The following VGLL4 variants were observed in gnomAD, a reference collection of about 807,000 sequenced individuals.
VGLL4 encodes vestigial like family member 4.
A neutral mutation model predicts 21.0 loss-of-function variants in VGLL4; 7 were observed. The observed-to-expected ratio is 0.33, with a 90% confidence interval of 0.19 to 0.63. The LOEUF (loss-of-function observed/expected upper bound fraction) is 0.63. Among genes scored for constraint, VGLL4 ranks in the 20% least tolerant of loss-of-function variants. The pLI is 0.78. For missense variants in VGLL4, 394 were observed against 425.7 expected, an observed-to-expected ratio of 0.93 and a Z score of 0.66; for synonymous variants, 222 against 173.2, an observed-to-expected ratio of 1.28 and a Z score of -2.21.
At chr3:11,596,602 T>C (rs1262255575) in intron 2 of VGLL4, among the ~76,000 whole-genome samples, 1 of 152,162 alleles carries the variant, frequency 6.6e-6, no homozygotes, top group Admixed American at 6.6e-5. Flanking sequence ...CCTAGCTCTT[T>C]CCATGGAAAG....
intron 2 of VGLL4, among the ~76,000 whole-genome samples, chr3:11,672,358 G>A (rs183938945): frequency 1.1e-4 from 15 of 131,244 alleles, no homozygotes; most frequent in Admixed American, 5.8e-4. Flanking sequence ...CAAGAAGAAC[G>A]CATATGCTTC....
intron 1 of VGLL4, among the ~76,000 whole-genome samples, chr3:11,620,793 G>A (rs2075252400): frequency 1.3e-5 from 2 of 152,060 alleles, no homozygotes; most frequent in African/African-American, 2.4e-5. Flanking sequence ...GGACCCGACC[G>A]TCCCACCCTG....
intron 2 of VGLL4, among the ~76,000 whole-genome samples, chr3:11,656,859 G>A (rs1016407881): frequency 3.3e-5 from 5 of 152,136 alleles, no homozygotes; most frequent in African/African-American, 9.7e-5. Context: ...AACGAAGCAC[G>A]GCCCTGGTCA....
intron 1 of VGLL4, among the ~76,000 whole-genome samples, chr3:11,628,584 G>T (rs1183719048): frequency 6.6e-6 from 1 of 152,060 alleles, no homozygotes; most frequent in East Asian, 1.9e-4. Flanking sequence ...ACTTTGGGAG[G>T]CCAAGGCGGG....
chr3:11,635,472 G>A (rs1454831155), intron 1 of VGLL4, among the ~76,000 whole-genome samples: 1 of 152,176 alleles, frequency 6.6e-6, no homozygotes, highest in African/African-American at 2.4e-5. Context: ...GCAACATGTG[G>A]TTCTTTTATT....
At chr3:11,561,111 T>C (rs1233432058) in intron 3 of VGLL4, among the ~76,000 whole-genome samples, 1 of 148,092 alleles carries the variant, frequency 6.8e-6, no homozygotes, top group African/African-American at 2.6e-5. Flanking sequence ...ACCCATGACC[T>C]TGGGCTCTAG....
intron 2 of VGLL4, among the ~76,000 whole-genome samples, chr3:11,588,455 G>A (rs1341960036): frequency 6.6e-6 from 1 of 152,236 alleles, no homozygotes; most frequent in Non-Finnish European, 1.5e-5. Context: ...GGGTCCTACA[G>A]GCAGACGCCC....
At chr3:11,601,437 A>G (rs1169251129) in intron 2 of VGLL4, among the ~76,000 whole-genome samples, 1 of 152,198 alleles carries the variant, frequency 6.6e-6, no homozygotes, top group African/African-American at 2.4e-5. Flanking sequence ...AAAGGTGCTG[A>G]GCTTCCCTTC....
At chr3:11,621,323 T>TC (rs1216108492) in intron 1 of VGLL4, among the ~76,000 whole-genome samples, 1 of 152,134 alleles carries the variant, frequency 6.6e-6, no homozygotes, top group Non-Finnish European at 1.5e-5. Flanking sequence ...TAGCAGTCAC[T>TC]CCCCATATTC....
At chr3:11,605,051 C>T (rs1366852791) in intron 1 of VGLL4, among the ~76,000 whole-genome samples, 1 of 101,810 alleles carries the variant, frequency 9.8e-6, no homozygotes, top group Non-Finnish European at 2.0e-5. Context: ...CACGCCCCCG[C>T]CCACCCCCAA....
intron 1 of VGLL4, among the ~76,000 whole-genome samples, chr3:11,607,646 G>A (rs1216926499): frequency 6.6e-6 from 1 of 152,132 alleles, no homozygotes; most frequent in Admixed American, 6.5e-5. Flanking sequence ...ATATTTATAA[G>A]CAGTATAAGG....
At chr3:11,644,219 G>A (rs754172960), upstream of VGLL4, among the ~76,000 whole-genome samples, 5 of 152,152 alleles carry the variant, frequency 3.3e-5, no homozygotes, top group Admixed American at 6.5e-5. Context: ...AAACTCCCAT[G>A]GAATGCAACT....
At chr3:11,591,352 T>TAA (rs956698493) in intron 2 of VGLL4, among the ~76,000 whole-genome samples, 9 of 152,260 alleles carry the variant, frequency 5.9e-5, no homozygotes, top group African/African-American at 2.2e-4. Context: ...CCACAGAGGC[T>TAA]AAAGCCTAAG....
At chr3:11,703,680 T>C (rs888496090) in intron 1 of VGLL4, among the ~76,000 whole-genome samples, 1 of 152,290 alleles carries the variant, frequency 6.6e-6, no homozygotes, top group East Asian at 1.9e-4. Context: ...CAGCAAAAGA[T>C]TTAAAGCTCG....
chr3:11,696,408 G>C (rs1243070877), intron 2 of VGLL4, among the ~76,000 whole-genome samples: 1 of 152,186 alleles, frequency 6.6e-6, no homozygotes, highest in Non-Finnish European at 1.5e-5. Context: ...CTGCCCCTTT[G>C]CTGTACCATG....
chr3:11,715,892 A>G (rs573061690), intron 1 of VGLL4, among the ~76,000 whole-genome samples: 5 of 152,290 alleles, frequency 3.3e-5, no homozygotes, highest in African/African-American at 1.2e-4. Context: ...AATGAAGCTC[A>G]TCTAACATGT....
upstream of VGLL4, among the ~76,000 whole-genome samples, chr3:11,645,862 C>T (rs1284467206): frequency 6.6e-6 from 1 of 151,996 alleles, no homozygotes; most frequent in Non-Finnish European, 1.5e-5. Context: ...ATCCCAGCTA[C>T]TAGGGAGGCT....
chr3:11,651,100 C>T (rs1209381478), intron 2 of VGLL4, among the ~76,000 whole-genome samples: 1 of 152,116 alleles, frequency 6.6e-6, no homozygotes, highest in East Asian at 1.9e-4. Flanking sequence ...GTAATCCCAG[C>T]ACTTTGGGAG....
At chr3:11,559,291 C>A in intron 4 of VGLL4, 41 bp downstream of exon 4, 2 of 1,495,474 alleles carry the variant, frequency 1.3e-6, no homozygotes, top group Non-Finnish European at 8.9e-7. Context: ...TCTGCTGCCA[C>A]TAGCACAGCT....
Sources: allele counts gnomAD v4.1 joint callset (sites outside exome capture counted in the v4.1 genomes callset), GRCh38; gene constraint gnomAD v4.1.1; transcripts MANE v1.5; gene names NCBI Gene and HGNC (gene_info 2026-07-23, HGNC 2026-07-21).